CD109: variants seen among roughly 807,000 people sequenced by gnomAD.
CD109 encodes the protein CD109 molecule, also known as CD109 antigen.
Under a neutral mutation model 165.8 loss-of-function variants are expected in CD109, and 149 were observed. That is an observed-to-expected ratio of 0.90 (90% CI 0.79 to 1.03). CD109 has a LOEUF of 1.03. CD109 is among the 50% of genes least tolerant of loss of function. CD109 has a pLI of 0.00. For synonymous variants in CD109, 585 were observed against 592.1 expected, an observed-to-expected ratio of 0.99 and a Z score of 0.18; for missense variants, 1,712 against 1,677.8, an observed-to-expected ratio of 1.02 and a Z score of -0.36.
chr6:73,798,380 G>T (rs1775246325), intron 23 of CD109, among the ~76,000 whole-genome samples: 1 of 152,128 alleles, frequency 6.6e-6, no homozygotes, highest in South Asian at 2.1e-4. Context: ...CTCCCAAAGT[G>T]CTGGGATTAT....
Position 73,810,066 on chromosome 6 carries a change from C to G in CD109, c.3438C>G (p.Ala1146=). ...QPRSLDIEVA[A]YALLSHFLQF... The stretch of plus-strand genomic sequence containing the variant: ...GCTCCCTGGATATTGAAGTTGCAGC[C>G]TATGCACTGCTCTCACACTTCTTAC... The change falls in exon 27 of 33, where the codon GCC becomes GCG. Residue 1146 remains alanine (A), a synonymous_variant. Coordinates refer to ENST00000287097, the MANE Select transcript of CD109 (RefSeq NM_133493.5). 6.2e-7 allele frequency: 1 copy of G among 1,609,508 alleles called. No homozygotes were observed. The highest frequency in any genetic ancestry group is 8.5e-7 in the Non-Finnish European group (1 of 1,178,546).
At chr6:73,698,563 A>C (rs2150143475) in intron 2 of CD109, among the ~76,000 whole-genome samples, 1 of 152,358 alleles carries the variant, frequency 6.6e-6, no homozygotes, top group Non-Finnish European at 1.5e-5. Context: ...GTTGGTATTC[A>C]TTACATAAGT....
intron 31 of CD109, among the ~76,000 whole-genome samples, chr6:73,819,370 GA>G (rs1289773508): frequency 6.6e-6 from 1 of 151,714 alleles, no homozygotes; most frequent in Non-Finnish European, 1.5e-5. Context: ...AAAGGTAAGT[GA>G]AGAATTCCAG....
At chr6:73,809,676 T>C (rs1775684698) in intron 26 of CD109, among the ~76,000 whole-genome samples, 1 of 152,110 alleles carries the variant, frequency 6.6e-6, no homozygotes, top group Non-Finnish European at 1.5e-5. Context: ...AATGTATGTA[T>C]GCTGTAAATA....
chr6:73,695,077 GC>G (rs36013850), upstream of CD109: 65,257 of 152,112 alleles, frequency 0.43, 14,606 homozygotes, highest in Non-Finnish European at 0.51. Flanking sequence ...TTAGCACATA[GC>G]TTTGTCATGA....
intron 30 of CD109, 69 bp from the exon 31 acceptor site, chr6:73,818,319 G>C: frequency 6.6e-7 from 1 of 1,523,296 alleles, no homozygotes; most frequent in Non-Finnish European, 9.1e-7. Flanking sequence ...ATTTTTGTAT[G>C]AAGATAATTT....
rs767750886 is a variant in CD109 at position 73,730,460 on chromosome 6, C to T, written c.393C>T (p.Val131=). ...CATTTGAGACCAAGAGAATATCTGT[C>T]TTCATTCAAACAGACAAGGCCTTAT... The part of the protein sequence containing the change: ...RLSFETKRIS[V]FIQTDKALYK... The change falls in exon 4 of 33, where the codon GTC becomes GTT. Residue 131 remains valine, a synonymous_variant. Coordinates refer to ENST00000287097, the MANE Select transcript of CD109 (RefSeq NM_133493.5). 9.9e-6 allele frequency: 16 copies of T among 1,613,064 alleles called. No homozygotes were observed. The highest frequency in any genetic ancestry group is 1.4e-5 in the Non-Finnish European group (16 of 1,179,052).
chr6:73,787,740 G>A (rs1003448750), intron 21 of CD109, among the ~76,000 whole-genome samples: 12 of 152,070 alleles, frequency 7.9e-5, no homozygotes, highest in African/African-American at 2.9e-4. Flanking sequence ...TTAAAACACG[G>A]CCAAGTCGAT....
intron 32 of CD109, among the ~76,000 whole-genome samples, 173 bp from the exon 33 acceptor site, chr6:73,823,285 G>C (rs536951034): frequency 6.6e-6 from 1 of 152,238 alleles, no homozygotes; most frequent in African/African-American, 2.4e-5. Context: ...TCTTGGATTT[G>C]GTTAGTACTT....
At position 73,796,257 on chromosome 6, in the gene CD109, C is replaced by T. The variant is rs111297160; in HGVS notation, c.2878+3455C>T. ...TGCTTATGATCCTGCAGTGGGCTCCCGGCTTCAGCCTACAGGGTCCTGGGT... is the reference window on the plus strand; with the variant it reads ...TGCTTATGATCCTGCAGTGGGCTCCTGGCTTCAGCCTACAGGGTCCTGGGT... On this transcript the variant is annotated intron_variant, in intron 23 of 32. Transcript: ENST00000287097. 6.6e-3 allele frequency among the ~76,000 whole-genome samples: 1,006 copies of T among 152,248 alleles called. 7 individuals carry two copies. The highest frequency in any genetic ancestry group is 0.022 in the African/African-American group (929 of 41,534).
chr6:73,686,300 T>G, the CD109 span, among the ~76,000 whole-genome samples: 2 of 152,242 alleles, frequency 1.3e-5, no homozygotes, highest in Non-Finnish European at 2.9e-5. Context: ...AGCATCTTGT[T>G]GATGTCCTCT....
chr6:73,801,457 A>G (rs1225720128), intron 23 of CD109, among the ~76,000 whole-genome samples: 3 of 152,266 alleles, frequency 2.0e-5, no homozygotes, highest in Non-Finnish European at 4.4e-5. Context: ...TCTTCAAATT[A>G]AGCAAAGTTT....
chr6:73,749,193 CA>C (rs1197523459), intron 5 of CD109, among the ~76,000 whole-genome samples: 1 of 152,192 alleles, frequency 6.6e-6, no homozygotes, highest in African/African-American at 2.4e-5. Context: ...CTTCGTGTAA[CA>C]AATGCAAAGA....
chr6:73,763,134 C>G (rs1050174555), intron 9 of CD109, among the ~76,000 whole-genome samples: 4 of 152,120 alleles, frequency 2.6e-5, no homozygotes, highest in Non-Finnish European at 2.9e-5. Context: ...CTACTCTTTC[C>G]CCCTGAAAAC....
chr6:73,791,211 AT>A (rs1774950486), intron 22 of CD109, among the ~76,000 whole-genome samples: 4 of 133,786 alleles, frequency 3.0e-5, no homozygotes. Flanking sequence ...ATATATATAT[AT>A]ATATATATAA....
At chr6:73,821,314 A>G (rs1776100258) in intron 32 of CD109, among the ~76,000 whole-genome samples, 1 of 152,236 alleles carries the variant, frequency 6.6e-6, no homozygotes, top group Non-Finnish European at 1.5e-5. Context: ...TAATAAAAAA[A>G]ATGGGAGTTC....
At chr6:73,774,181 T>C (rs1774150855) in intron 15 of CD109, among the ~76,000 whole-genome samples, 1 of 152,246 alleles carries the variant, frequency 6.6e-6, no homozygotes, top group Non-Finnish European at 1.5e-5. Flanking sequence ...TTCAGTAATT[T>C]TGTGTCACAT....
At chr6:73,723,498 A>G (rs557740716) in intron 3 of CD109, among the ~76,000 whole-genome samples, 3 of 152,316 alleles carry the variant, frequency 2.0e-5, no homozygotes, top group Admixed American at 6.5e-5. Context: ...TTCCTCTTGT[A>G]AAATAGAAGA....
intron 3 of CD109, among the ~76,000 whole-genome samples, chr6:73,728,735 A>C (rs1772233358): frequency 6.6e-6 from 1 of 152,138 alleles, no homozygotes; most frequent in Non-Finnish European, 1.5e-5. Flanking sequence ...ATCCCCTTTG[A>C]GCTATCTGTA....
Sources: gnomAD v4.1 joint callset for allele counts (sites outside exome capture counted in the v4.1 genomes callset) on GRCh38, gnomAD v4.1.1 for gene constraint, MANE v1.5 for transcripts, NCBI Gene and HGNC (gene_info 2026-07-23, HGNC 2026-07-21) for gene names.